Variants in PRR14 observed in about 807,000 individuals in gnomAD.
The protein encoded by PRR14 is proline-rich protein 14.
In PRR14, 33 loss-of-function variants were observed where a neutral mutation model predicts 57.2. That is an observed-to-expected ratio of 0.58 (90% CI 0.44 to 0.77). The LOEUF (loss-of-function observed/expected upper bound fraction) is 0.77, where lower values mean the gene tolerates loss of function less well. Among genes scored for constraint, PRR14 ranks in the 30% least tolerant of loss-of-function variants. The pLI is 0.00. For missense variants in PRR14, 716 were observed against 788.1 expected (o/e 0.91, Z 1.10); for synonymous variants, 303 against 314.7 (o/e 0.96, Z 0.39).
In PRR14 at chr16:30,654,683, G is replaced by A. The variant is rs749405723; in HGVS notation, c.713G>A (p.Arg238His). The A allele has an allele frequency of 1.9e-5, 31 of 1,613,036 alleles. No individual in the cohort carries two copies. The highest frequency in any genetic ancestry group is 2.7e-5 in the African/African-American group (2 of 74,784). ...PSTPPPSSLL[R>H]PRLSPWGLAP... ...ACCCCACCACCGTCCAGCCTTTTAC[G>A]CCCCCGCCTCAGTCCCTGGGGCTTG... is the stretch of plus-strand genomic sequence containing the variant. The change falls in exon 8 of 12, where the codon CGC becomes CAC. Residue 238 changes from arginine (R) to histidine (H), a missense_variant. By Grantham distance (29) the Arg-to-His change is conservative. Transcript: ENST00000300835.
chr16:30,651,005 G>GA lies in PRR14; in HGVS notation c.-172dup, dbSNP rs969392578. The GA allele has an allele frequency of 2.2e-6, 1 of 456,154 alleles. No homozygotes were observed. The highest frequency in any genetic ancestry group is 2.0e-5 in the African/African-American group (1 of 50,074). 28.3% of individuals were successfully genotyped at this position (456,154 alleles called of 1,614,324 possible). On this transcript the variant is annotated 5_prime_UTR_variant, in exon 1 of 12. Transcript: ENST00000300835. This position sits in a 1 kb window ranked among gnomAD's most constrained non-coding sequence, Gnocchi z 5.0. ...ATCTGCTTGACAGTGGATCCCTGGGGATCTACGCTGAGTTCGGAGATGCTC... is the reference window on the plus strand; with the variant it reads ...ATCTGCTTGACAGTGGATCCCTGGGGAATCTACGCTGAGTTCGGAGATGCTC...
Position 30,653,044 on chromosome 16 carries a change from C to G in PRR14, c.445C>G (p.Pro149Ala). 6.2e-7 allele frequency: 1 copy of G among 1,613,702 alleles called. No individual in the cohort carries two copies. The highest frequency in any genetic ancestry group is 8.5e-7 in the Non-Finnish European group (1 of 1,179,822). ...CCCTTCACAAAAGGTGGACCGGGCC[C>G]CCCAGCCCACCCTGGTGGTGATGCT... ...EGPSQKVDRA[P>A]QPTLVVMLED... Residue 149 changes from proline (P) to alanine (A), a missense_variant, in exon 5 of 12, where the codon CCC becomes GCC. Coordinates refer to ENST00000300835, the MANE Select transcript of PRR14 (RefSeq NM_024031.5).
upstream of PRR14, chr16:30,650,940 G>A (rs993199002): frequency 1.6e-5 from 7 of 439,170 alleles, no homozygotes; most frequent in Admixed American, 1.4e-4. Context: ...GGGAAGGGGC[G>A]TCTGTGGGCG....
chr16:30,651,716 G>A lies in PRR14; in HGVS notation c.23+48G>A, dbSNP rs1429604459. 6 of 1,612,104 alleles carry A rather than the reference G, an allele frequency of 3.7e-6. No homozygotes were observed. In the Admixed American group the frequency reaches 8.3e-5, roughly 22 times the overall value. ...CGCCTGTCTTGACCCCGGGAGATGG[G>A]GATCCTGGCGACCGTGCCGGGAAAC... On this transcript the variant is annotated intron_variant, in intron 2 of 11. Coordinates refer to ENST00000300835, the MANE Select transcript of PRR14 (RefSeq NM_024031.5). This position sits in a 1 kb window ranked among gnomAD's most constrained non-coding sequence, Gnocchi z 5.0.
intron 7 of PRR14, 65 bp from the exon 8 acceptor site, chr16:30,654,564 A>C: frequency 1.5e-6 from 2 of 1,315,356 alleles, no homozygotes; most frequent in Non-Finnish European, 2.1e-6. Context: ...AAAGTTGAGC[A>C]TGTGGGGAGG....
At position 30,651,417 on chromosome 16, in the gene PRR14, T is replaced by A. The variant is rs1596602632; in HGVS notation, c.-50-179T>A. The A allele has an allele frequency of 6.2e-6, 3 of 481,892 alleles. No homozygotes were observed. The East Asian group carries it at 1.1e-4, about 17-fold the overall frequency. The allele number at this position is 481,892 out of a possible 1,614,324, so 29.9% of individuals were successfully genotyped here. The stretch of plus-strand genomic sequence containing the variant: ...GCCAGGCAGGGCGCGAGTGATCCGC[T>A]GATCGAGGCGGTGGCAGCGGGAGGA... On this transcript the variant is annotated intron_variant, in intron 1 of 11. Transcript: ENST00000300835. The surrounding 1 kb of genome is among the most constrained non-coding windows in gnomAD (Gnocchi z 5.0).
chr16:30,655,225 C>CA lies in PRR14; in HGVS notation c.1244+17dup. 6.3e-7 allele frequency: 1 copy of CA among 1,590,272 alleles called. No homozygotes were observed. The highest frequency in any genetic ancestry group is 8.6e-7 in the Non-Finnish European group (1 of 1,166,636). On this transcript the variant is annotated intron_variant, in intron 8 of 11. Transcript: ENST00000300835. This position sits in a 1 kb window ranked among gnomAD's most constrained non-coding sequence, Gnocchi z 4.6. ...ACCAGCAGAACCCAGGTAGTGCTCTCAAAAAACCCCCTTGAAGCCTGGCTG... is the reference window on the plus strand; with the variant it reads ...ACCAGCAGAACCCAGGTAGTGCTCTCAAAAAAACCCCCTTGAAGCCTGGCTG...
At position 30,656,388 on chromosome 16, in the gene PRR14, T is replaced by A; in HGVS notation, c.*77T>A. The A allele has an allele frequency of 7.3e-7, 1 of 1,366,434 alleles. No homozygotes were observed. Among genetic ancestry groups the A allele is most frequent in the Non-Finnish European group, 9.8e-7 (1 of 1,016,468 alleles). The allele number at this position is 1,366,434 out of a possible 1,614,324, so 84.6% of individuals were successfully genotyped here. A position where few individuals can be genotyped will look rare whatever the true frequency, so the allele number is the denominator to read the frequency against. ...AGTTATTTTTTTTTCTCTATATTTCTAGTAAAGTTTTCGATATGTTTCTGA... is the reference window on the plus strand; with the variant it reads ...AGTTATTTTTTTTTCTCTATATTTCAAGTAAAGTTTTCGATATGTTTCTGA... On this transcript the variant is annotated 3_prime_UTR_variant, in exon 12 of 12. Coordinates refer to ENST00000300835, the MANE Select transcript of PRR14 (RefSeq NM_024031.5).
rs771367408 is a variant in PRR14 at position 30,652,796 on chromosome 16, C to T, written c.268C>T (p.Pro90Ser). Residue 90 changes from proline (P) to serine (S), a missense_variant, in exon 4 of 12, where the codon CCG becomes TCG. Physicochemically the swap from Pro to Ser is moderately conservative, Grantham distance 74. Transcript: ENST00000300835. ...SYHQDPVHRQ[P>S]PASPPRQAGW... ...CCATCAGGATCCTGTCCACAGGCAG[C>T]CGCCTGCCTCGCCACCCCGGCAGGC... 1.2e-5 allele frequency: 19 copies of T among 1,613,958 alleles called. No homozygotes were observed. The highest frequency in any genetic ancestry group is 2.2e-5 in the East Asian group (1 of 44,900).
rs1360924479 is a variant in PRR14, at chr16:30,655,274, C to A, written c.1244+60C>A. The A allele has an allele frequency of 6.2e-7, 1 of 1,603,878 alleles. No individual in the cohort carries two copies. Among genetic ancestry groups the A allele is most frequent in the African/African-American group, 1.3e-5 (1 of 74,712 alleles). On this transcript the variant is annotated intron_variant, in intron 8 of 11. Transcript: ENST00000300835. This position sits in a 1 kb window ranked among gnomAD's most constrained non-coding sequence, Gnocchi z 4.6. ...TGCAGCCTGGTCCCAGCCTCCTTCC[C>A]TGAGTATCCAGTGGGCAGGAGACGG... is the stretch of plus-strand genomic sequence containing the variant.
chr16:30,653,544 C>T (rs544439790), intron 6 of PRR14, 136 bp downstream of exon 6: 45 of 897,382 alleles, frequency 5.0e-5, no homozygotes, highest in South Asian at 1.4e-4. Context: ...GGGCCGGGCA[C>T]GCCCATGCCT....
chr16:30,656,169 G>A lies in PRR14; in HGVS notation c.1616G>A (p.Arg539Gln), dbSNP rs1417231489. The change falls in exon 12 of 12, where the codon CGG becomes CAG. Residue 539 changes from arginine to glutamine, a missense_variant. Arg to Gln is a conservative substitution (Grantham distance 43). Transcript: ENST00000300835. ...PRSRRPSRGVRAAGGRTVPPN... is the reference protein window; with the variant it reads ...PRSRRPSRGVQAAGGRTVPPN... ...TCACGAAGACCGTCCCGTGGGGTCC[G>A]GGCTGCAGGGGGCAGGACTGTTCCT... 1.1e-5 allele frequency: 17 copies of A among 1,601,774 alleles called. No homozygotes were observed. The highest frequency in any genetic ancestry group is 4.5e-5 in the South Asian group (4 of 89,640).
In PRR14 at chr16:30,655,775, G is replaced by A. The variant is rs779060094; in HGVS notation, c.1407-93G>A. The A allele has an allele frequency of 2.1e-5, 30 of 1,445,584 alleles. No homozygotes were observed. In the Admixed American group the frequency reaches 4.9e-4, roughly 23 times the overall value. 89.5% of individuals were successfully genotyped at this position (1,445,584 alleles called of 1,614,324 possible). ...TATGTAGCACTCCTGGCCCTGACAT[G>A]TCCCAGAAACTGAAATACAGACCAG... is the stretch of plus-strand genomic sequence containing the variant. On this transcript the variant is annotated intron_variant, in intron 10 of 11. Transcript: ENST00000300835. The surrounding 1 kb of genome is among the most constrained non-coding windows in gnomAD (Gnocchi z 4.6).
intron 3 of PRR14, 190 bp from the exon 4 acceptor site, chr16:30,652,531 A>C (rs1047109029): frequency 4.5e-6 from 3 of 672,192 alleles, no homozygotes; most frequent in Non-Finnish European, 7.7e-6. Flanking sequence ...CAGGTCCTAC[A>C]CCTGCAGTTT....
In PRR14 at chr16:30,651,478, C is replaced by T. The variant is rs929111777; in HGVS notation, c.-50-118C>T. ...GGGCGACCGGCCGGGGGCGCCCTTT[C>T]GCGCCCCAGGGCTGCGGCCGCTGGG... On this transcript the variant is annotated intron_variant, in intron 1 of 11. Coordinates refer to ENST00000300835, the MANE Select transcript of PRR14 (RefSeq NM_024031.5). The surrounding 1 kb of genome is among the most constrained non-coding windows in gnomAD (Gnocchi z 5.0). 2.0e-6 allele frequency: 1 copy of T among 504,168 alleles called. No homozygotes were observed. Among genetic ancestry groups the T allele is most frequent in the Non-Finnish European group, 3.4e-6 (1 of 292,490 alleles). 31.2% of individuals were successfully genotyped at this position (504,168 alleles called of 1,614,324 possible).
Position 30,654,693 on chromosome 16 carries a change from C to T in PRR14, c.723C>T (p.Leu241=), listed in dbSNP as rs760528000. Residue 241 remains leucine (L), a synonymous_variant, in exon 8 of 12, where the codon CTC becomes CTT. Coordinates refer to ENST00000300835, the MANE Select transcript of PRR14 (RefSeq NM_024031.5). ...CGTCCAGCCTTTTACGCCCCCGCCT[C>T]AGTCCCTGGGGCTTGGCCCCGCTCT... ...PPPSSLLRPR[L]SPWGLAPLFR... is the part of the protein sequence containing the mutation. 1.9e-6 allele frequency: 3 copies of T among 1,613,928 alleles called. No homozygotes were observed. Among genetic ancestry groups the T allele is most frequent in the South Asian group, 1.1e-5 (1 of 91,076 alleles).
rs1415382935 is a variant in PRR14 at position 30,655,737 on chromosome 16, T to C, written c.1407-131T>C. The stretch of plus-strand genomic sequence containing the variant: ...TGTGGGGATGGTTTGTGCTCAAAAT[T>C]GCCTGTCTGCCTTATGTAGCACTCC... On this transcript the variant is annotated intron_variant, in intron 10 of 11. Coordinates refer to ENST00000300835, the MANE Select transcript of PRR14 (RefSeq NM_024031.5). This position sits in a 1 kb window ranked among gnomAD's most constrained non-coding sequence, Gnocchi z 4.6. 1 of 1,280,570 alleles carries C rather than the reference T, an allele frequency of 7.8e-7. No homozygotes were observed. Among genetic ancestry groups the C allele is most frequent in the Non-Finnish European group, 1.1e-6 (1 of 881,410 alleles). 79.3% of individuals were successfully genotyped at this position (1,280,570 alleles called of 1,614,324 possible).
chr16:30,655,657 GTA>G lies in PRR14; in HGVS notation c.1406+67_1406+68del. On this transcript the variant is annotated intron_variant, in intron 10 of 11. Coordinates refer to ENST00000300835, the MANE Select transcript of PRR14 (RefSeq NM_024031.5). This position sits in a 1 kb window ranked among gnomAD's most constrained non-coding sequence, Gnocchi z 4.6. ...CAGATGCAGGCTTATGTCCCCTGAA[GTA>G]TAGCTTTGTCTCCCCTCAGGGAGCA... 6.8e-7 allele frequency: 1 copy of G among 1,475,754 alleles called. No individual in the cohort carries two copies. Among genetic ancestry groups the G allele is most frequent in the Admixed American group, 1.7e-5 (1 of 57,734 alleles). The allele number at this position is 1,475,754 out of a possible 1,614,324, so 91.4% of individuals were successfully genotyped here.
Position 30,651,358 on chromosome 16 carries a change from TG to T in PRR14, c.-50-234del. ...CGGGAGGCTCGGGCCGCGGGAGAACTGGGGCCGCTGCATTCTGGGTTCTGGC... is the reference window on the plus strand; with the variant it reads ...CGGGAGGCTCGGGCCGCGGGAGAACTGGGCCGCTGCATTCTGGGTTCTGGC... On this transcript the variant is annotated intron_variant, in intron 1 of 11. Coordinates refer to ENST00000300835, the MANE Select transcript of PRR14 (RefSeq NM_024031.5). The surrounding 1 kb of genome is among the most constrained non-coding windows in gnomAD (Gnocchi z 5.0). The T allele has an allele frequency of 2.2e-6, 1 of 452,260 alleles. No individual in the cohort carries two copies. Among genetic ancestry groups the T allele is most frequent in the Non-Finnish European group, 4.0e-6 (1 of 249,776 alleles). The allele number at this position is 452,260 out of a possible 1,614,324, so 28.0% of individuals were successfully genotyped here.
Sources: gnomAD v4.1 joint callset for allele counts on GRCh38, gnomAD v4.1.1 for gene constraint, Gnocchi (gnomAD v3.1) non-coding constraint, MANE v1.5 for transcripts, NCBI Gene and HGNC (gene_info 2026-07-23, HGNC 2026-07-21) for gene names.